The following CEP43 variants were observed in gnomAD, a reference collection of about 807,000 sequenced individuals.
CEP43 encodes centrosomal protein 43.
In CEP43, 36 loss-of-function variants were observed where a neutral mutation model predicts 52.6. The ratio of observed to expected loss-of-function variants is 0.68; its 90% confidence interval spans 0.52 to 0.90. The LOEUF is 0.90. Among genes scored for constraint, CEP43 ranks in the 40% least tolerant of loss-of-function variants. CEP43 has a pLI of 0.00. For missense variants in CEP43, 506 were observed against 472.8 expected, an observed-to-expected ratio of 1.07 and a Z score of -0.65; for synonymous variants, 192 against 172.4, an observed-to-expected ratio of 1.11 and a Z score of -0.89.
chr6:167,037,899 GC>G (rs1780615286), intron 12 of CEP43, among the ~76,000 whole-genome samples: 1 of 152,166 alleles, frequency 6.6e-6, no homozygotes. Flanking sequence ...CATAGACGAT[GC>G]CTAAGAGTGT....
At chr6:167,021,072 GAA>G (rs5881725) in intron 7 of CEP43, among the ~76,000 whole-genome samples, 8,019 of 143,864 alleles carry the variant, frequency 0.056, 747 homozygotes, top group African/African-American at 0.2. Context: ...TCTTAAAAAA[GAA>G]AAAAAAAAAA....
At chr6:167,002,198 C>G (rs1779752305) in intron 2 of CEP43, among the ~76,000 whole-genome samples, 1 of 152,120 alleles carries the variant, frequency 6.6e-6, no homozygotes, top group African/African-American at 2.4e-5. Context: ...TTATGTAACC[C>G]TCTCCCCCAC....
intron 7 of CEP43, among the ~76,000 whole-genome samples, chr6:167,018,378 A>C (rs1347326644): frequency 6.6e-6 from 1 of 151,992 alleles, no homozygotes; most frequent in Non-Finnish European, 1.5e-5. Context: ...AGGCATTGCC[A>C]TGGTATGTGT....
rs961222319 is a variant in CEP43 at position 167,042,096 on chromosome 6, C to T, written c.*2118C>T. ...CCTCCTAAAGTGCCGGGATTACAGG[C>T]GTGAACCACCGCACCTGGCCAGTAC... is the stretch of plus-strand genomic sequence containing the variant. On this transcript the variant is annotated 3_prime_UTR_variant, in exon 13 of 13. Transcript: ENST00000366847. 7.0e-6 allele frequency: 7 copies of T among 993,406 alleles called. No individual in the cohort carries two copies. Among genetic ancestry groups the T allele is most frequent in the Non-Finnish European group, 8.4e-6 (7 of 829,822 alleles). 61.5% of individuals were successfully genotyped at this position (993,406 alleles called of 1,614,324 possible).
chr6:167,010,138 A>G (rs1287557334), intron 5 of CEP43, among the ~76,000 whole-genome samples: 1 of 152,258 alleles, frequency 6.6e-6, no homozygotes, highest in Non-Finnish European at 1.5e-5. Context: ...TACTATGTAC[A>G]GTGTCCTAGA....
At chr6:167,037,915 G>A (rs1780615915) in intron 12 of CEP43, among the ~76,000 whole-genome samples, 1 of 152,168 alleles carries the variant, frequency 6.6e-6, no homozygotes, top group South Asian at 2.1e-4. Flanking sequence ...GAGTGTGTGT[G>A]TGGGTGTGGC....
intron 10 of CEP43, among the ~76,000 whole-genome samples, chr6:167,027,334 G>A (rs1780377312): frequency 6.6e-6 from 1 of 152,180 alleles, no homozygotes; most frequent in Admixed American, 6.5e-5. Flanking sequence ...GTAGCAGTGT[G>A]ACAGGCATAC....
At position 167,025,672 on chromosome 6, in the gene CEP43, AAG is replaced by A. The variant is rs1273830543; in HGVS notation, c.919+783_919+784del. Among the ~76,000 whole-genome samples, 4 of 152,226 alleles carry A rather than the reference AAG, an allele frequency of 2.6e-5. No homozygotes were observed. In the East Asian group the frequency reaches 7.7e-4, roughly 29 times the overall value. ...TACTGTGGGACTTCCTAGGGCACAT[AAG>A]AGAGCCGGCCTGTTGCTTCTCTTAA... is the stretch of plus-strand genomic sequence containing the variant. On this transcript the variant is annotated intron_variant, in intron 9 of 12. Coordinates refer to ENST00000366847, the MANE Select transcript of CEP43 (RefSeq NM_007045.4).
intron 6 of CEP43, among the ~76,000 whole-genome samples, chr6:167,011,192 T>G (rs1779976749): frequency 6.6e-6 from 1 of 152,250 alleles, no homozygotes; most frequent in African/African-American, 2.4e-5. Context: ...GGAGATTTAC[T>G]TACTTTTCAT....
rs781390099 is a variant in CEP43 at position 167,033,929 on chromosome 6, A to C, written c.1083A>C (p.Glu361Asp). The C allele has an allele frequency of 6.2e-6, 10 of 1,601,888 alleles. No homozygotes were observed. The highest frequency in any genetic ancestry group is 8.5e-6 in the Non-Finnish European group (10 of 1,171,336). ...SEISIGEEIEEDLSVEIDDIN... is the reference protein window; with the variant it reads ...SEISIGEEIEDDLSVEIDDIN... Reference sequence around the variant, plus strand: ...TAAGTATTGGTGAAGAGATAGAAGAAGACCTTTCTGTGGAAATAGATGACA... The same window carrying C: ...TAAGTATTGGTGAAGAGATAGAAGACGACCTTTCTGTGGAAATAGATGACA... The change falls in exon 12 of 13, where the codon GAA becomes GAC. Residue 361 changes from glutamate (E) to aspartate (D), a missense_variant. Coordinates refer to ENST00000366847, the MANE Select transcript of CEP43 (RefSeq NM_007045.4).
intron 10 of CEP43, among the ~76,000 whole-genome samples, chr6:167,030,795 C>T (rs1388188204): frequency 2.0e-5 from 3 of 152,132 alleles, no homozygotes; most frequent in Non-Finnish European, 4.4e-5. Flanking sequence ...ACGATTATCT[C>T]TGGGAAAACA....
chr6:167,025,216 G>A (rs16899805), intron 9 of CEP43: 3,891 of 171,702 alleles, frequency 0.023, 170 homozygotes, highest in African/African-American at 0.088. Flanking sequence ...CATTTACAAT[G>A]ACTTGAGTTG....
At chr6:167,006,755 C>A (rs1779863881) in intron 5 of CEP43, among the ~76,000 whole-genome samples, 1 of 152,188 alleles carries the variant, frequency 6.6e-6, no homozygotes, top group East Asian at 1.9e-4. Context: ...GTTAGTATTA[C>A]TGTTTCTTGT....
At chr6:166,999,960 C>T (rs1242305940) in intron 1 of CEP43, 100 bp from the exon 2 acceptor site, 11 of 1,009,048 alleles carry the variant, frequency 1.1e-5, no homozygotes, top group Non-Finnish European at 1.5e-5. Flanking sequence ...CCTGCCCTCC[C>T]AGCTCGTTGG....
Position 167,028,689 on chromosome 6 carries a change from A to C in CEP43, c.988+2074A>C, listed in dbSNP as rs1344746261. On this transcript the variant is annotated intron_variant, in intron 10 of 12. Transcript: ENST00000366847. The stretch of plus-strand genomic sequence containing the variant: ...ATCCTATGAGGTAGGTTTTATTACT[A>C]TCTCCATTTTTACAGATGAAGAATC... Among the ~76,000 whole-genome samples the C allele has an allele frequency of 2.0e-5, 3 of 152,156 alleles. No individual in the cohort carries two copies. In the South Asian group the frequency reaches 6.2e-4, roughly 32 times the overall value.
At chr6:167,025,908 A>C (rs1041850480) in intron 9 of CEP43, among the ~76,000 whole-genome samples, 5 of 152,402 alleles carry the variant, frequency 3.3e-5, no homozygotes, top group Admixed American at 2.0e-4. Flanking sequence ...GTTGCACTGA[A>C]GAAAAATTTA....
Position 167,033,099 on chromosome 6 carries a change from C to CTTT in CEP43, c.1028+484_1028+486dup, listed in dbSNP as rs71032896. 4.0e-4 allele frequency among the ~76,000 whole-genome samples: 27 copies of CTTT among 68,346 alleles called. 2 individuals are homozygous for CTTT. Among genetic ancestry groups the CTTT allele is most frequent in the South Asian group, 1.7e-3 (2 of 1,172 alleles). 44.8% of individuals were successfully genotyped at this position (68,346 alleles called of 152,430 possible). On this transcript the variant is annotated intron_variant, in intron 11 of 12. Transcript: ENST00000366847. Reference sequence around the variant, plus strand: ...TCTGCCCTAATAAGATTGCCATTCTCTTTTTTTTTTTTTTTTTTTTTTTTT... The same window carrying CTTT: ...TCTGCCCTAATAAGATTGCCATTCTCTTTTTTTTTTTTTTTTTTTTTTTTTTTT...
chr6:167,004,366 T>G lies in CEP43; in HGVS notation c.403T>G (p.Cys135Gly). 6.2e-7 allele frequency: 1 copy of G among 1,603,064 alleles called. No homozygotes were observed. Among genetic ancestry groups the G allele is most frequent in the Non-Finnish European group, 8.5e-7 (1 of 1,174,978 alleles). Residue 135 changes from cysteine (C) to glycine (G), a missense_variant, in exon 5 of 13, where the codon TGT becomes GGT. Physicochemically the swap from Cys to Gly is radical, Grantham distance 159 (BLOSUM62 -3). Coordinates refer to ENST00000366847, the MANE Select transcript of CEP43 (RefSeq NM_007045.4). Reference sequence around the variant, plus strand: ...CTTATTATTAGAAGTGATCAGGCGCTGTCAACAGAAAGAAAAAGGGCCAAC... The same window carrying G: ...CTTATTATTAGAAGTGATCAGGCGCGGTCAACAGAAAGAAAAAGGGCCAAC... ...GPLLLEVIRR[C>G]QQKEKGPTTG... is the part of the protein sequence containing the mutation.
chr6:167,026,469 C>A, intron 9 of CEP43, 78 bp from the exon 10 acceptor site: 1 of 905,054 alleles, frequency 1.1e-6, no homozygotes, highest in Non-Finnish European at 1.8e-6. Flanking sequence ...CCATATTGAA[C>A]AACGACAAAA....
Sources: gnomAD v4.1 joint callset for allele counts (sites outside exome capture counted in the v4.1 genomes callset) on GRCh38, gnomAD v4.1.1 for gene constraint, MANE v1.5 for transcripts, NCBI Gene and HGNC (gene_info 2026-07-23, HGNC 2026-07-21) for gene names.